Variants in SLC36A2 observed in about 807,000 individuals in gnomAD.
The protein encoded by SLC36A2 is proton-coupled amino acid transporter 2.
A neutral mutation model predicts 42.7 loss-of-function variants in SLC36A2; 39 were observed. That is an observed-to-expected ratio of 0.91 (90% confidence interval 0.71 to 1.19). SLC36A2 has a LOEUF of 1.19. Ranked by LOEUF, SLC36A2 falls within the 50% of genes most tolerant of loss-of-function variation. The pLI, the probability that SLC36A2 is intolerant of heterozygous loss-of-function variation, is 0.00. For missense variants in SLC36A2, 590 were observed against 613.7 expected, an observed-to-expected ratio of 0.96 and a Z score of 0.41; for synonymous variants, 237 against 240.8, an observed-to-expected ratio of 0.98 and a Z score of 0.15.
Position 151,316,929 on chromosome 5 carries a change from A to G in SLC36A2, c.1340T>C (p.Ile447Thr). 1 of 1,614,040 alleles carries G rather than the reference A, an allele frequency of 6.2e-7. No individual in the cohort carries two copies. The highest frequency in any genetic ancestry group is 8.5e-7 in the Non-Finnish European group (1 of 1,179,998). Reference protein sequence around the residue: ...SPLTIFKDALISILGFVGFVV... With the variant: ...SPLTIFKDALTSILGFVGFVV... Reference sequence around the variant, plus strand: ...AAAGCCCACGAAGCCCAGGATGCTGATCAGGGCGTCCTTGAAGATGGTGAG... The same window carrying G: ...AAAGCCCACGAAGCCCAGGATGCTGGTCAGGGCGTCCTTGAAGATGGTGAG... Residue 447 changes from isoleucine to threonine, a missense_variant, in exon 10 of 10, where the codon ATC becomes ACC. By Grantham distance (89) the Ile-to-Thr change is moderately conservative. Transcript: ENST00000335244.
At chr5:151,336,231 C>T (rs1352196359) in intron 5 of SLC36A2, among the ~76,000 whole-genome samples, 3 of 152,076 alleles carry the variant, frequency 2.0e-5, no homozygotes, top group African/African-American at 7.2e-5. Context: ...CAAGCTGGGG[C>T]ATTCAGACCC....
chr5:151,339,427 C>T (rs901239117), intron 4 of SLC36A2, among the ~76,000 whole-genome samples: 1 of 151,978 alleles, frequency 6.6e-6, no homozygotes, highest in Non-Finnish European at 1.5e-5. Context: ...TGATTGGCCT[C>T]AGCCTCCCTA....
chr5:151,318,560 AT>A (rs986390046), intron 9 of SLC36A2, among the ~76,000 whole-genome samples: 4 of 145,764 alleles, frequency 2.7e-5, no homozygotes, highest in East Asian at 2.0e-4. Flanking sequence ...TATAAAATAT[AT>A]TTTTATATAT....
chr5:151,326,812 C>CCTTT (rs1755864080), intron 7 of SLC36A2, among the ~76,000 whole-genome samples: 1 of 142,282 alleles, frequency 7.0e-6, no homozygotes, highest in South Asian at 2.2e-4. Context: ...ATGAATTTAC[C>CCTTT]TTTTTTTTTT....
Position 151,318,571 on chromosome 5 carries a change from TA to T in SLC36A2, c.1181-1484del, listed in dbSNP as rs1052632470. 1.5e-3 allele frequency among the ~76,000 whole-genome samples: 211 copies of T among 144,988 alleles called. 1 individual carries two copies. Among genetic ancestry groups the T allele is most frequent in the African/African-American group, 4.8e-3 (192 of 39,904 alleles). On this transcript the variant is annotated intron_variant, in intron 9 of 9. Transcript: ENST00000335244. ...TATTTATAAAATATATTTTTATATA[TA>T]ATAAATATTTTATATATATAAAAAT...
chr5:151,330,389 G>C (rs1175518936), intron 7 of SLC36A2, among the ~76,000 whole-genome samples: 2 of 152,080 alleles, frequency 1.3e-5, no homozygotes, highest in Non-Finnish European at 2.9e-5. Context: ...CAAAAAGAAA[G>C]GAAGTCATAT....
intron 9 of SLC36A2, among the ~76,000 whole-genome samples, chr5:151,321,140 ATGATTTAT>A (rs749327285): frequency 9.8e-6 from 1 of 101,778 alleles, no homozygotes; most frequent in African/African-American, 4.3e-5. Flanking sequence ...GTCAGTTCTT[ATGATTTAT>A]TTATTTATTT....
rs1756390037 is a variant in SLC36A2, at chr5:151,342,955, C to T, written c.373G>A (p.Asp125Asn). The T allele has an allele frequency of 1.2e-6, 2 of 1,613,924 alleles. No homozygotes were observed. The highest frequency in any genetic ancestry group is 1.7e-5 in the Admixed American group (1 of 59,998). ...GCTTCTAGTCCATGCATCACCGTGT[C>T]CCCATAGTCCATAAAGGGCTTGTTA... is the stretch of plus-strand genomic sequence containing the variant. Reference protein sequence around the residue: ...RLNKPFMDYGDTVMHGLEANP... With the variant: ...RLNKPFMDYGNTVMHGLEANP... Residue 125 changes from aspartate to asparagine, a missense_variant, in exon 4 of 10, where the codon GAC becomes AAC. Asp to Asn is a conservative substitution (Grantham distance 23). Transcript: ENST00000335244.
rs1439132514 is a variant in SLC36A2 at position 151,335,425 on chromosome 5, G to A, written c.648C>T (p.Val216=). ...TCAAGATCCTGAGGTTCCGGATGAGGACCAGCAGCACCAGGAAGGGCAGGA... is the reference window on the plus strand; with the variant it reads ...TCAAGATCCTGAGGTTCCGGATGAGAACCAGCAGCACCAGGAAGGGCAGGA... ...LSFLPFLVLL[V]LIRNLRILTI... The change falls in exon 6 of 10, where the codon GTC becomes GTT. Residue 216 remains valine (V), a synonymous_variant. Transcript: ENST00000335244. The A allele has an allele frequency of 6.2e-7, 1 of 1,614,136 alleles. No homozygotes were observed. The highest frequency in any genetic ancestry group is 2.2e-5 in the East Asian group (1 of 44,882).
intron 1 of SLC36A2, among the ~76,000 whole-genome samples, chr5:151,346,499 A>G (rs1425861540): frequency 6.6e-6 from 1 of 151,980 alleles, no homozygotes; most frequent in African/African-American, 2.4e-5. Flanking sequence ...TTAGAGAAGG[A>G]GCAGAGAAAC....
intron 1 of SLC36A2, among the ~76,000 whole-genome samples, chr5:151,346,587 G>C (rs180785743): frequency 1.3e-5 from 2 of 152,276 alleles, no homozygotes; most frequent in Admixed American, 1.3e-4. Flanking sequence ...TCTTCTTAAA[G>C]CAGCAGAACC....
intron 2 of SLC36A2, among the ~76,000 whole-genome samples, chr5:151,343,957 G>A (rs1160735770): frequency 2.6e-5 from 4 of 152,090 alleles, no homozygotes; most frequent in Admixed American, 2.6e-4. Context: ...TACAGGGGAG[G>A]AAACTAAGGC....
chr5:151,322,242 T>C (rs1346839295), intron 8 of SLC36A2, 27 bp from the exon 9 acceptor site: 3 of 1,612,890 alleles, frequency 1.9e-6, no homozygotes, highest in South Asian at 2.2e-5. Flanking sequence ...AGAGCTGCTC[T>C]CCACGGCCAC....
intron 8 of SLC36A2, 177 bp downstream of exon 8, chr5:151,325,109 T>G (rs1755813917): frequency 1.3e-6 from 1 of 748,480 alleles, no homozygotes; most frequent in Non-Finnish European, 2.3e-6. Flanking sequence ...GAGGCTGTTG[T>G]TGAAGGAGGA....
chr5:151,336,511 GT>G (rs1478845440), intron 5 of SLC36A2, among the ~76,000 whole-genome samples: 1 of 110,408 alleles, frequency 9.1e-6, no homozygotes, highest in African/African-American at 3.5e-5. Context: ...ATCACTTACT[GT>G]TTCCTAATTA....
chr5:151,323,718 T>G (rs572601969), intron 8 of SLC36A2, among the ~76,000 whole-genome samples: 95 of 152,364 alleles, frequency 6.2e-4, no homozygotes, highest in African/African-American at 2.2e-3. Flanking sequence ...CTGGAGAGCT[T>G]CTTTTTCTAT....
Position 151,321,441 on chromosome 5 carries a change from C to G in SLC36A2, c.1180+605G>C, listed in dbSNP as rs114947179. Among the ~76,000 whole-genome samples the G allele has an allele frequency of 2.7e-3, 410 of 151,338 alleles. 1 individual carries two copies. Among genetic ancestry groups the G allele is most frequent in the African/African-American group, 9.3e-3 (384 of 41,220 alleles). ...TCAAGCAATCCGCCTGCCTTGACCTCTCAAAGTGCTGGGATCACAGGCATG... is the reference window on the plus strand; with the variant it reads ...TCAAGCAATCCGCCTGCCTTGACCTGTCAAAGTGCTGGGATCACAGGCATG... On this transcript the variant is annotated intron_variant, in intron 9 of 9. Transcript: ENST00000335244.
intron 6 of SLC36A2, 145 bp from the exon 7 acceptor site, chr5:151,333,467 G>A (rs1392908213): frequency 1.3e-5 from 9 of 694,678 alleles, no homozygotes; most frequent in Non-Finnish European, 2.1e-5. Context: ...TGTAGGCCAC[G>A]ATCAAAGTTG....
Position 151,329,880 on chromosome 5 carries a change from T to C in SLC36A2, c.843+3344A>G, listed in dbSNP as rs115565247. Among the ~76,000 whole-genome samples, 854 of 152,276 alleles carry C rather than the reference T, an allele frequency of 5.6e-3. 6 individuals carry two copies. The highest frequency in any genetic ancestry group is 0.02 in the African/African-American group (823 of 41,548). On this transcript the variant is annotated intron_variant, in intron 7 of 9. Transcript: ENST00000335244. Reference sequence around the variant, plus strand: ...AAATAGGTGGATATTTTCAACCAAATGCACATCAAAACTGCAGTATTCATG... The same window carrying C: ...AAATAGGTGGATATTTTCAACCAAACGCACATCAAAACTGCAGTATTCATG...
Sources: gnomAD v4.1 joint callset for allele counts (sites outside exome capture counted in the v4.1 genomes callset) on GRCh38, gnomAD v4.1.1 for gene constraint, MANE v1.5 for transcripts, NCBI Gene and HGNC (gene_info 2026-07-23, HGNC 2026-07-21) for gene names.